The following MIPEP variants were observed in gnomAD, a reference collection of about 807,000 sequenced individuals.
The protein encoded by MIPEP is mitochondrial intermediate peptidase.
MIPEP carries 79 observed loss-of-function variants against 90.3 expected under a neutral mutation model. The ratio of observed to expected loss-of-function variants is 0.87; its 90% confidence interval spans 0.73 to 1.05. The LOEUF (loss-of-function observed/expected upper bound fraction) is 1.05, where lower values mean the gene tolerates loss of function less well. Among genes scored for constraint, MIPEP ranks in the 50% least tolerant of loss-of-function variants. The probability of loss-of-function intolerance (pLI) is 0.00; values close to 1 mark genes in which losing one functional copy is unlikely to be tolerated. For synonymous variants in MIPEP, 334 were observed against 315.8 expected (o/e 1.06, Z -0.61); for missense variants, 940 against 905.6 (o/e 1.04, Z -0.49).
chr13:23,885,924 A>G (rs994760551), intron 2 of MIPEP, among the ~76,000 whole-genome samples: 9 of 151,366 alleles, frequency 5.9e-5, no homozygotes, highest in African/African-American at 1.7e-4. Flanking sequence ...AAAAAAAAAA[A>G]AAAAGAAAAA....
intron 14 of MIPEP, among the ~76,000 whole-genome samples, chr13:23,815,318 T>C (rs1953220382): frequency 1.5e-4 from 1 of 6,518 alleles, no homozygotes; most frequent in Non-Finnish European, 8.2e-4. Context: ...AGTTTCCTGA[T>C]TTTTTGTTTT....
Position 23,798,735 on chromosome 13 carries a change from CTT to C in MIPEP, c.1848+7213_1848+7214del, listed in dbSNP as rs1021356084. ...TATGTGGCACCTACCCTCTCTCTCT[CTT>C]GCTCCTGCTGCCATCATGTAAGACA... On this transcript the variant is annotated intron_variant, in intron 16 of 18. Transcript: ENST00000382172. 1.2e-4 allele frequency among the ~76,000 whole-genome samples: 18 copies of C among 152,212 alleles called. No individual in the cohort carries two copies. In the Middle Eastern group the frequency reaches 0.014, roughly 115 times the overall value.
chr13:23,875,527 C>CA (rs1450898707), intron 4 of MIPEP, among the ~76,000 whole-genome samples: 3 of 147,218 alleles, frequency 2.0e-5, no homozygotes, highest in Non-Finnish European at 4.5e-5. Context: ...TCAAGTGTAA[C>CA]ACCTTTTTTT....
At chr13:23,846,957 A>G (rs1337803938) in intron 10 of MIPEP, among the ~76,000 whole-genome samples, 1 of 152,166 alleles carries the variant, frequency 6.6e-6, no homozygotes, top group Admixed American at 6.5e-5. Context: ...CTATCACCCT[A>G]TGTTACAATG....
At chr13:23,880,967 A>G (rs982148269) in intron 3 of MIPEP, among the ~76,000 whole-genome samples, 4 of 152,154 alleles carry the variant, frequency 2.6e-5, no homozygotes, top group African/African-American at 7.2e-5. Context: ...AGCTCTATAC[A>G]CTGCCTGGCA....
chr13:23,868,894 C>G (rs1388890496), intron 7 of MIPEP, among the ~76,000 whole-genome samples: 1 of 152,182 alleles, frequency 6.6e-6, no homozygotes, highest in African/African-American at 2.4e-5. Flanking sequence ...GGAGGCTTAT[C>G]TGACTGTGTG....
intron 10 of MIPEP, among the ~76,000 whole-genome samples, chr13:23,854,437 C>A (rs1261636331): frequency 1.3e-5 from 2 of 149,782 alleles, no homozygotes; most frequent in African/African-American, 2.4e-5. Flanking sequence ...TTTCTCACAT[C>A]AAAAAAAAAG....
chr13:23,862,227 G>T, intron 9 of MIPEP, 75 bp downstream of exon 9: 1 of 906,562 alleles, frequency 1.1e-6, no homozygotes, highest in Non-Finnish European at 1.7e-6. Context: ...TCACAAGAAA[G>T]TTCCTGAATC....
At chr13:23,738,612 T>C (rs1312566980) in intron 18 of MIPEP, among the ~76,000 whole-genome samples, 3 of 150,496 alleles carry the variant, frequency 2.0e-5, no homozygotes, top group Non-Finnish European at 4.4e-5. Context: ...CACGCCCAGC[T>C]AGTTTTTTTT....
intron 15 of MIPEP, 30 bp from the exon 16 acceptor site, chr13:23,806,099 T>C: frequency 6.2e-7 from 1 of 1,612,574 alleles, no homozygotes; most frequent in Non-Finnish European, 8.5e-7. Flanking sequence ...TACTTAGTTT[T>C]GGTCGTCCAT....
chr13:23,761,390 G>A (rs1028070093), intron 16 of MIPEP, among the ~76,000 whole-genome samples: 1 of 152,150 alleles, frequency 6.6e-6, no homozygotes, highest in African/African-American at 2.4e-5. Flanking sequence ...CCGGGTGGAG[G>A]TGCACATCTG....
At chr13:23,791,557 G>C (rs988073304) in intron 16 of MIPEP, among the ~76,000 whole-genome samples, 2 of 152,074 alleles carry the variant, frequency 1.3e-5, no homozygotes, top group Non-Finnish European at 1.5e-5. Flanking sequence ...CTGTGCTCTC[G>C]GGCTCTACGG....
chr13:23,823,557 G>A (rs370443343), intron 14 of MIPEP, among the ~76,000 whole-genome samples: 6 of 152,264 alleles, frequency 3.9e-5, no homozygotes, highest in African/African-American at 9.6e-5. Flanking sequence ...AGCTGGGCAC[G>A]GTGGCTCACG....
intron 16 of MIPEP, among the ~76,000 whole-genome samples, chr13:23,797,623 C>CTAAA (rs1952977631): frequency 6.6e-6 from 1 of 152,180 alleles, no homozygotes; most frequent in Non-Finnish European, 1.5e-5. Flanking sequence ...CATCTTGTTT[C>CTAAA]TTTAGCCTCC....
At chr13:23,798,607 G>A (rs980450192) in intron 16 of MIPEP, among the ~76,000 whole-genome samples, 7 of 152,196 alleles carry the variant, frequency 4.6e-5, no homozygotes, top group African/African-American at 1.7e-4. Flanking sequence ...GGGCCTGGTA[G>A]GAGGGGATTG....
intron 14 of MIPEP, among the ~76,000 whole-genome samples, chr13:23,817,551 C>T (rs555024069): frequency 4.1e-4 from 62 of 152,272 alleles, no homozygotes; most frequent in South Asian, 1.2e-3. Context: ...TAAAGTCTGC[C>T]TTACTGTTCT....
chr13:23,811,905 T>C (rs1953175432), intron 14 of MIPEP, among the ~76,000 whole-genome samples: 3 of 152,026 alleles, frequency 2.0e-5, no homozygotes, highest in Non-Finnish European at 2.9e-5. Flanking sequence ...GGAGGTGGAT[T>C]TGAGAAACGC....
At chr13:23,862,491 C>A in intron 8 of MIPEP, 129 bp from the exon 9 acceptor site, 1 of 575,846 alleles carries the variant, frequency 1.7e-6, no homozygotes, top group Non-Finnish European at 3.1e-6. Context: ...ACACATAAAT[C>A]ACTATTAATC....
intron 11 of MIPEP, 99 bp downstream of exon 11, chr13:23,841,232 CTCAG>C: frequency 9.8e-7 from 1 of 1,022,328 alleles, no homozygotes; most frequent in Non-Finnish European, 1.4e-6. Flanking sequence ...AGGGGACACA[CTCAG>C]TCAGGGCAAA....
Sources: allele counts gnomAD v4.1 joint callset (sites outside exome capture counted in the v4.1 genomes callset), GRCh38; gene constraint gnomAD v4.1.1; transcripts MANE v1.5; gene names NCBI Gene and HGNC (gene_info 2026-07-23, HGNC 2026-07-21).